Variants in CDH10 observed in about 807,000 individuals in gnomAD.
CDH10 encodes cadherin-10.
In CDH10, 30 loss-of-function variants were observed where a neutral mutation model predicts 73.1. The ratio of observed to expected loss-of-function variants is 0.41; its 90% CI spans 0.31 to 0.56. The LOEUF (loss-of-function observed/expected upper bound fraction) is 0.56, where lower values mean the gene tolerates loss of function less well. CDH10 is among the 20% of genes least tolerant of loss of function. The probability of loss-of-function intolerance (pLI) is 0.27; values close to 1 mark genes in which losing one functional copy is unlikely to be tolerated. For missense variants in CDH10, 815 were observed against 973.7 expected, an observed-to-expected ratio of 0.84 and a Z score of 2.17; for synonymous variants, 345 against 348.2, an observed-to-expected ratio of 0.99 and a Z score of 0.10.
intron 5 of CDH10, among the ~76,000 whole-genome samples, chr5:24,530,443 A>G (rs1197650520): frequency 6.6e-6 from 1 of 151,978 alleles, no homozygotes; most frequent in Non-Finnish European, 1.5e-5. Flanking sequence ...ACATAATTTT[A>G]TGATTTTCTA....
rs548496576 is a variant in CDH10 at position 24,565,445 on chromosome 5, T to C, written c.232-27771A>G. The stretch of plus-strand genomic sequence containing the variant: ...AACACTGATGATAAATGTAACAGGA[T>C]AATATGTAAAATCTCTACACTAAAA... On this transcript the variant is annotated intron_variant, in intron 2 of 11. Transcript: ENST00000264463. Among the ~76,000 whole-genome samples the C allele has an allele frequency of 3.9e-4, 60 of 152,264 alleles. 1 individual carries two copies. Among genetic ancestry groups the C allele is most frequent in the African/African-American group, 1.3e-3 (55 of 41,546 alleles).
Position 24,503,723 on chromosome 5 carries a change from C to A in CDH10, c.1393+1389G>T, listed in dbSNP as rs944650721. Among the ~76,000 whole-genome samples the A allele has an allele frequency of 9.2e-5, 14 of 152,206 alleles. 1 individual carries two copies. Among genetic ancestry groups the A allele is most frequent in the African/African-American group, 3.1e-4 (13 of 41,538 alleles). On this transcript the variant is annotated intron_variant, in intron 8 of 11. Coordinates refer to ENST00000264463, the MANE Select transcript of CDH10 (RefSeq NM_006727.5). ...CTACCTCTGACATGATAACTTTGGA[C>A]AAGTTACTAAAGTTCCCAGAGCCTT...
chr5:24,543,689 C>T (rs1450210103), intron 2 of CDH10, among the ~76,000 whole-genome samples: 2 of 152,116 alleles, frequency 1.3e-5, no homozygotes, highest in Admixed American at 1.3e-4. Context: ...TTTAAATTTG[C>T]ACCCAACAAC....
In CDH10 at chr5:24,528,675, G is replaced by C. The variant is rs867537171; in HGVS notation, c.814+6437C>G. On this transcript the variant is annotated intron_variant, in intron 5 of 11. Transcript: ENST00000264463. ...ATAAAAGTATGATTTACCTGTCTCT[G>C]TATCAACATGCATACACATTTTAAG... is the stretch of plus-strand genomic sequence containing the variant. 1.3e-3 allele frequency among the ~76,000 whole-genome samples: 203 copies of C among 152,018 alleles called. 1 individual carries two copies. The highest frequency in any genetic ancestry group is 4.6e-3 in the African/African-American group (192 of 41,440).
Position 24,593,607 on chromosome 5 carries a change from C to A in CDH10, c.-117G>T. On this transcript the variant is annotated 5_prime_UTR_variant, in exon 2 of 12. Transcript: ENST00000264463. ...TTTCATCAATGTTTTGTTCATGTTT[C>A]CCAAAGCTTCAAACAAACAAACAAA... The A allele has an allele frequency of 1.7e-6, 1 of 579,474 alleles. No individual in the cohort carries two copies. 35.9% of individuals were successfully genotyped at this position (579,474 alleles called of 1,614,324 possible).
chr5:24,632,219 T>C, intron 1 of CDH10, among the ~76,000 whole-genome samples: 1 of 152,114 alleles, frequency 6.6e-6, no homozygotes, highest in Admixed American at 6.6e-5. Flanking sequence ...ATATTTATGA[T>C]CCATTTACTA....
chr5:24,575,381 AAAG>A (rs1337037726), intron 2 of CDH10, among the ~76,000 whole-genome samples: 1 of 151,592 alleles, frequency 6.6e-6, no homozygotes, highest in Non-Finnish European at 1.5e-5. Context: ...AAAGGAAAAA[AAAG>A]AAAAGTCTCC....
intron 2 of CDH10, among the ~76,000 whole-genome samples, chr5:24,584,432 A>T (rs71616661): frequency 0.21 from 28,346 of 134,452 alleles, 3,125 homozygotes; most frequent in Admixed American, 0.28. Context: ...TCACGTTCAC[A>T]TCCTTTCTTT....
chr5:24,608,109 G>A (rs1189172442), intron 1 of CDH10, among the ~76,000 whole-genome samples: 2 of 152,024 alleles, frequency 1.3e-5, no homozygotes, highest in Non-Finnish European at 2.9e-5. Flanking sequence ...GTATAGCCAT[G>A]TTCTTATATT....
At chr5:24,564,540 A>G (rs1205670754) in intron 2 of CDH10, among the ~76,000 whole-genome samples, 1 of 152,142 alleles carries the variant, frequency 6.6e-6, no homozygotes, top group Non-Finnish European at 1.5e-5. Context: ...GATGGAGCTG[A>G]GACCTCTGCC....
intron 2 of CDH10, among the ~76,000 whole-genome samples, chr5:24,560,696 G>C (rs555926557): frequency 1.4e-4 from 21 of 152,148 alleles, no homozygotes; most frequent in Middle Eastern, 3.4e-3. Context: ...GCTAATCTAT[G>C]CTGGAGTTGA....
intron 2 of CDH10, among the ~76,000 whole-genome samples, chr5:24,569,434 G>A (rs1366516053): frequency 6.6e-6 from 1 of 151,360 alleles, no homozygotes; most frequent in Non-Finnish European, 1.5e-5. Context: ...AGGAATTTTA[G>A]AAGCATATTG....
chr5:24,551,354 T>A (rs934528177), intron 2 of CDH10, among the ~76,000 whole-genome samples: 4 of 152,206 alleles, frequency 2.6e-5, no homozygotes, highest in Non-Finnish European at 5.9e-5. Flanking sequence ...ATACTTTATA[T>A]ATTCTGATTT....
At position 24,497,159 on chromosome 5, in the gene CDH10, ACTTT is replaced by A. The variant is rs754417966; in HGVS notation, c.1515+1235_1515+1238del. 8.5e-5 allele frequency among the ~76,000 whole-genome samples: 13 copies of A among 152,168 alleles called. 1 individual carries two copies. The highest frequency in any genetic ancestry group is 2.9e-5 in the Non-Finnish European group (2 of 68,032). ...AGACAGAAGGAAAATAAACAAACAT[ACTTT>A]CTATTTTGTATATTTTGAATACATT... On this transcript the variant is annotated intron_variant, in intron 9 of 11. Coordinates refer to ENST00000264463, the MANE Select transcript of CDH10 (RefSeq NM_006727.5).
chr5:24,587,324 C>T (rs1440864952), intron 2 of CDH10, among the ~76,000 whole-genome samples: 1 of 152,128 alleles, frequency 6.6e-6, no homozygotes, highest in Non-Finnish European at 1.5e-5. Context: ...AACACAATAA[C>T]AAACATCCCT....
At chr5:24,634,040 C>A (rs2062967) in intron 1 of CDH10, among the ~76,000 whole-genome samples, 34,496 of 151,730 alleles carry the variant, frequency 0.23, 4,379 homozygotes, top group African/African-American at 0.35. Context: ...GTAAATTCAT[C>A]TCAACCCTCT....
At position 24,539,717 on chromosome 5, in the gene CDH10, C is replaced by G. The variant is rs190736308; in HGVS notation, c.232-2043G>C. 2.1e-3 allele frequency among the ~76,000 whole-genome samples: 317 copies of G among 152,112 alleles called. 1 individual carries two copies. The highest frequency in any genetic ancestry group is 7.3e-3 in the African/African-American group (302 of 41,554). The stretch of plus-strand genomic sequence containing the variant: ...AGGTTGAGAAACTCAGGAAATAACT[C>G]CTTTTAACTAAAAAGCTTTCCGAAG... On this transcript the variant is annotated intron_variant, in intron 2 of 11. Coordinates refer to ENST00000264463, the MANE Select transcript of CDH10 (RefSeq NM_006727.5).
intron 9 of CDH10, among the ~76,000 whole-genome samples, chr5:24,497,259 T>C (rs6881667): frequency 0.054 from 8,223 of 151,910 alleles, 383 homozygotes; most frequent in African/African-American, 0.13. Flanking sequence ...AGAATAACCA[T>C]AGAGGGAGCG....
At chr5:24,644,524 C>G (rs751957272) in intron 1 of CDH10, 70 bp downstream of exon 1, 2 of 151,906 alleles carry the variant, frequency 1.3e-5, no homozygotes, top group Non-Finnish European at 2.9e-5. Flanking sequence ...CCCTCTCCCC[C>G]CCCACCCCTC....
Sources: allele counts gnomAD v4.1 joint callset (sites outside exome capture counted in the v4.1 genomes callset), GRCh38; gene constraint gnomAD v4.1.1; transcripts MANE v1.5; gene names NCBI Gene and HGNC (gene_info 2026-07-23, HGNC 2026-07-21).